The following MIS18A variants were observed in gnomAD, a reference collection of about 807,000 sequenced individuals.
MIS18A encodes the protein MIS18 kinetochore protein A, also known as protein Mis18-alpha.
Under a neutral mutation model 25.0 loss-of-function variants are expected in MIS18A, and 14 were observed. The ratio of observed to expected loss-of-function variants is 0.56; its 90% CI spans 0.37 to 0.88. The LOEUF (loss-of-function observed/expected upper bound fraction) is 0.88. Ranked by LOEUF, MIS18A falls within the 40% of genes least tolerant of loss-of-function variation. The pLI, the probability that MIS18A is intolerant of heterozygous loss-of-function variation, is 0.00. For missense variants in MIS18A, 292 were observed against 290.8 expected (o/e 1.00, Z -0.03); for synonymous variants, 134 against 118.6 (o/e 1.13, Z -0.84).
At chr21:32,240,120 C>T in the MIS18A span, among the ~76,000 whole-genome samples, 1 of 152,236 alleles carries the variant, frequency 6.6e-6, no homozygotes, top group Non-Finnish European at 1.5e-5. Context: ...GTGCTGCGAA[C>T]GTTGCATCGC....
At chr21:32,237,748 G>A in the MIS18A span, among the ~76,000 whole-genome samples, 1 of 152,096 alleles carries the variant, frequency 6.6e-6, no homozygotes, top group African/African-American at 2.4e-5. Context: ...TATTCCTGAT[G>A]ATTAGGAAAA....
At chr21:32,167,494 A>T in the MIS18A span, among the ~76,000 whole-genome samples, 1 of 152,234 alleles carries the variant, frequency 6.6e-6, no homozygotes, top group African/African-American at 2.4e-5. Flanking sequence ...AAAACATAAC[A>T]TGAGGTTAAT....
chr21:32,198,869 T>C, the MIS18A span, among the ~76,000 whole-genome samples: 1 of 150,826 alleles, frequency 6.6e-6, no homozygotes, highest in East Asian at 2.0e-4. Context: ...GACCCCATGG[T>C]ATGGCATGGG....
chr21:32,187,483 G>A, the MIS18A span, among the ~76,000 whole-genome samples: 1 of 152,122 alleles, frequency 6.6e-6, no homozygotes, highest in Non-Finnish European at 1.5e-5. Flanking sequence ...AGGGATGGGG[G>A]AAATTCACCT....
chr21:32,229,850 A>G, the MIS18A span, among the ~76,000 whole-genome samples: 6 of 152,330 alleles, frequency 3.9e-5, 1 homozygote, highest in South Asian at 1.2e-3. Context: ...GCCCCTTTTC[A>G]TTTCCTAAAC....
the MIS18A span, among the ~76,000 whole-genome samples, chr21:32,241,817 C>CA: frequency 6.6e-6 from 1 of 152,240 alleles, no homozygotes; most frequent in African/African-American, 2.4e-5. Context: ...ACAGAAGACT[C>CA]AAAGAAATTC....
the MIS18A span, among the ~76,000 whole-genome samples, chr21:32,162,354 G>A: frequency 1.1e-4 from 17 of 152,280 alleles, no homozygotes; most frequent in African/African-American, 4.1e-4. Flanking sequence ...CCCCTAATGG[G>A]CGCGCTGCGT....
At chr21:32,198,423 T>A in the MIS18A span, among the ~76,000 whole-genome samples, 1 of 152,186 alleles carries the variant, frequency 6.6e-6, no homozygotes, top group African/African-American at 2.4e-5. Flanking sequence ...AAAATGAGAA[T>A]AAGAATTTAC....
At chr21:32,219,953 T>C in the MIS18A span, among the ~76,000 whole-genome samples, 2 of 152,188 alleles carry the variant, frequency 1.3e-5, no homozygotes. Flanking sequence ...AGGGCATCTC[T>C]GAAAGAAAGG....
At chr21:32,169,160 A>T in the MIS18A span, among the ~76,000 whole-genome samples, 1 of 119,602 alleles carries the variant, frequency 8.4e-6, no homozygotes, top group Non-Finnish European at 1.7e-5. Flanking sequence ...CCCCACCCCT[A>T]CCTTTCAGCT....
At chr21:32,174,192 T>G in the MIS18A span, among the ~76,000 whole-genome samples, 1 of 151,950 alleles carries the variant, frequency 6.6e-6, no homozygotes, top group African/African-American at 2.4e-5. Context: ...CTCGATCTCC[T>G]GACCTCATGA....
At chr21:32,169,980 A>C in the MIS18A span, among the ~76,000 whole-genome samples, 36 of 152,064 alleles carry the variant, frequency 2.4e-4, no homozygotes, top group African/African-American at 8.5e-4. Flanking sequence ...TATGAAAATA[A>C]ATAGGAAAAT....
chr21:32,196,696 C>T, the MIS18A span, among the ~76,000 whole-genome samples: 4 of 152,058 alleles, frequency 2.6e-5, no homozygotes, highest in Non-Finnish European at 4.4e-5. Flanking sequence ...TCAAATGATC[C>T]GCCCGCCTTG....
chr21:32,216,504 C>T, the MIS18A span, among the ~76,000 whole-genome samples: 1 of 152,216 alleles, frequency 6.6e-6, no homozygotes, highest in African/African-American at 2.4e-5. Context: ...ATCTTGACTG[C>T]CTGAGGCAGT....
At chr21:32,267,631 G>A (rs1363154991), downstream of MIS18A, among the ~76,000 whole-genome samples, 1 of 152,026 alleles carries the variant, frequency 6.6e-6, no homozygotes, top group Non-Finnish European at 1.5e-5. Flanking sequence ...GAAAATGCTT[G>A]CTGGAGTACT....
chr21:32,207,158 C>T, the MIS18A span, among the ~76,000 whole-genome samples: 5 of 152,186 alleles, frequency 3.3e-5, no homozygotes, highest in South Asian at 6.2e-4. Flanking sequence ...GAATACGAGG[C>T]GTGTTCAAAA....
At chr21:32,197,054 A>G in the MIS18A span, among the ~76,000 whole-genome samples, 13 of 152,214 alleles carry the variant, frequency 8.5e-5, no homozygotes, top group Non-Finnish European at 1.9e-4. Context: ...ATAAAGACCT[A>G]TTGAGAATAA....
the MIS18A span, among the ~76,000 whole-genome samples, chr21:32,229,554 T>C: frequency 1.3e-5 from 2 of 152,242 alleles, no homozygotes; most frequent in East Asian, 3.9e-4. Flanking sequence ...GGCATCTCTT[T>C]GCAGCAAGAC....
At chr21:32,163,444 C>T in the MIS18A span, among the ~76,000 whole-genome samples, 10 of 152,196 alleles carry the variant, frequency 6.6e-5, no homozygotes, top group Non-Finnish European at 1.2e-4. Flanking sequence ...CTAACCCTCA[C>T]ACCTGGTTCT....
Sources: allele counts gnomAD v4.1 joint callset (sites outside exome capture counted in the v4.1 genomes callset), GRCh38; gene constraint gnomAD v4.1.1; transcripts MANE v1.5; gene names NCBI Gene and HGNC (gene_info 2026-07-23, HGNC 2026-07-21).